Variants in SLC12A5 observed in about 807,000 individuals in gnomAD.
SLC12A5 encodes the protein K-Cl cotransporter 2.
In SLC12A5, 18 loss-of-function variants were observed where a neutral mutation model predicts 124.0. That is an observed-to-expected ratio of 0.15 (90% CI 0.10 to 0.22). The LOEUF (loss-of-function observed/expected upper bound fraction) is 0.22, where lower values mean the gene tolerates loss of function less well. SLC12A5 is among the 10% of genes least tolerant of loss of function. The pLI, the probability that SLC12A5 is intolerant of heterozygous loss-of-function variation, is 1.00. For missense variants in SLC12A5, 867 were observed against 1,478.7 expected, an observed-to-expected ratio of 0.59 and a Z score of 6.78; for synonymous variants, 589 against 568.0, an observed-to-expected ratio of 1.04 and a Z score of -0.53.
chr20:46,043,181 G>A lies in SLC12A5; in HGVS notation c.1095G>A (p.Lys365=). The change falls in exon 9 of 26, where the codon AAG becomes AAA. Residue 365 remains lysine, a synonymous_variant. Transcript: ENST00000243964. ...KENLWSSYLT[K]GVIVERSGMT... is the part of the protein sequence containing the mutation. ...ACCTCTGGAGCTCCTACCTGACCAA[G>A]GGCGTGATTGTGGAGAGGAGTGGGA... 6.2e-7 allele frequency: 1 copy of A among 1,613,898 alleles called. No homozygotes were observed. The highest frequency in any genetic ancestry group is 8.5e-7 in the Non-Finnish European group (1 of 1,179,934).
chr20:46,037,534 G>T, intron 6 of SLC12A5, 149 bp downstream of exon 6: 1 of 893,374 alleles, frequency 1.1e-6, no homozygotes, highest in Non-Finnish European at 1.6e-6. Context: ...TGTTTCTAAA[G>T]AGTTCACAGT....
At chr20:46,032,909 C>CTCCAAAGACT (rs2084466190) in intron 1 of SLC12A5, among the ~76,000 whole-genome samples, 1 of 152,226 alleles carries the variant, frequency 6.6e-6, no homozygotes. Flanking sequence ...GAGAACTTAG[C>CTCCAAAGACT]TCCAAAGACT....
At chr20:46,046,071 G>A (rs2084592624) in intron 13 of SLC12A5, 75 bp downstream of exon 13, 1 of 1,395,880 alleles carries the variant, frequency 7.2e-7, no homozygotes, top group Admixed American at 1.7e-5. Context: ...CGTTACCTGT[G>A]ACAACCCACC....
At chr20:46,051,335 T>C (rs1482359333) in intron 17 of SLC12A5, among the ~76,000 whole-genome samples, 1 of 152,074 alleles carries the variant, frequency 6.6e-6, no homozygotes, top group Non-Finnish European at 1.5e-5. Flanking sequence ...GACGGCGACA[T>C]TTGAGCTGGG....
rs576350876 is a variant in SLC12A5 at position 46,052,850 on chromosome 20, G to A, written c.2378-107G>A. ...CTCAGCCCATGGCCAAGGCCAGTTG[G>A]AGTGGGGTGGAGTGCTGGCTGCCAG... is the stretch of plus-strand genomic sequence containing the variant. On this transcript the variant is annotated intron_variant, in intron 18 of 25. Transcript: ENST00000243964. 10 of 1,257,394 alleles carry A rather than the reference G, an allele frequency of 8.0e-6. No homozygotes were observed. In the South Asian group the frequency reaches 1.4e-4, roughly 18 times the overall value. 77.9% of individuals were successfully genotyped at this position (1,257,394 alleles called of 1,614,324 possible). A position where few individuals can be genotyped will look rare whatever the true frequency, so the allele number is the denominator to read the frequency against.
chr20:46,043,146 C>T lies in SLC12A5; in HGVS notation c.1067-7C>T. On this transcript the variant is annotated splice_polypyrimidine_tract_variant and splice_region_variant and intron_variant, in intron 8 of 25. Transcript: ENST00000243964. ...GGCCTCCCCCTGAGCATTCTGTCTC[C>T]CCACAGAGAACCTCTGGAGCTCCTA... 3.1e-6 allele frequency: 5 copies of T among 1,613,102 alleles called. No homozygotes were observed. The highest frequency in any genetic ancestry group is 3.4e-6 in the Non-Finnish European group (4 of 1,179,346).
At chr20:46,029,207 G>A (rs2084423001), upstream of SLC12A5, 3 of 1,436,454 alleles carry the variant, frequency 2.1e-6, no homozygotes, top group East Asian at 2.7e-5. Context: ...TGCGCCGGGC[G>A]GGCGGGCACT....
chr20:46,054,833 G>C, intron 20 of SLC12A5, 83 bp from the exon 21 acceptor site: 2 of 932,088 alleles, frequency 2.1e-6, no homozygotes, highest in Non-Finnish European at 3.4e-6. Context: ...TCCTTCCCTT[G>C]GCCTTTCACC....
At chr20:46,043,980 GA>G (rs2084571851) in intron 11 of SLC12A5, 47 bp downstream of exon 11, 1 of 1,542,640 alleles carries the variant, frequency 6.5e-7, no homozygotes, top group African/African-American at 1.4e-5. Context: ...GGTGGGTATA[GA>G]AGGCTGAGTT....
chr20:46,039,092 G>A (rs569370914), intron 6 of SLC12A5, among the ~76,000 whole-genome samples: 33 of 152,160 alleles, frequency 2.2e-4, no homozygotes, highest in Non-Finnish European at 3.8e-4. Context: ...TTGGTGTATT[G>A]CCTTCTAGTT....
upstream of SLC12A5, among the ~76,000 whole-genome samples, chr20:46,024,831 C>A (rs1186543582): frequency 6.6e-6 from 1 of 152,226 alleles, no homozygotes; most frequent in Non-Finnish European, 1.5e-5. Flanking sequence ...CAGAAGTAGA[C>A]CTGGTGACAG....
At chr20:46,022,385 T>C (rs2084363307) in intron 1 of SLC12A5, among the ~76,000 whole-genome samples, 1 of 89,976 alleles carries the variant, frequency 1.1e-5, no homozygotes, top group South Asian at 3.9e-4. Flanking sequence ...GGGAATGAGT[T>C]GGGCCAGGAG....
chr20:46,037,707 G>A (rs1182116597), intron 6 of SLC12A5, among the ~76,000 whole-genome samples: 1 of 152,238 alleles, frequency 6.6e-6, no homozygotes, highest in Non-Finnish European at 1.5e-5. Context: ...GAGAAGCTCA[G>A]AGAGGTGAGA....
In SLC12A5 at chr20:46,044,055, C is replaced by T. The variant is rs1039051229; in HGVS notation, c.1394+122C>T. On this transcript the variant is annotated intron_variant, in intron 11 of 25. Transcript: ENST00000243964. ...TGAGGGGCCTGTGGGAGGGAGGCCA[C>T]GGGGATTGCTTGCAAAGTCATCTTC... The T allele has an allele frequency of 5.2e-5, 44 of 850,840 alleles. 1 individual carries two copies. Among genetic ancestry groups the T allele is most frequent in the South Asian group, 2.6e-4 (13 of 50,290 alleles). The allele number at this position is 850,840 out of a possible 1,614,324, so 52.7% of individuals were successfully genotyped here.
chr20:46,029,011 T>G, upstream of SLC12A5: 10 of 610,340 alleles, frequency 1.6e-5, no homozygotes, highest in Admixed American at 5.0e-5. Context: ...AATCCCCCAG[T>G]TTTTGTGCAA....
In SLC12A5 at chr20:46,057,889, G is replaced by T. The variant is rs1223901566; in HGVS notation, c.*284G>T. The T allele has an allele frequency of 1.1e-5, 4 of 370,438 alleles. No individual in the cohort carries two copies. Among genetic ancestry groups the T allele is most frequent in the Non-Finnish European group, 1.9e-5 (4 of 207,036 alleles). The allele number at this position is 370,438 out of a possible 1,614,324, so 22.9% of individuals were successfully genotyped here. ...TCGCCGGAGGAGACGCTGCAATAAA[G>T]GTTGGGAGAAGGCGCGGAAAGGAGA... On this transcript the variant is annotated 3_prime_UTR_variant, in exon 26 of 26. Transcript: ENST00000243964. This position sits in a 1 kb window ranked among gnomAD's most constrained non-coding sequence, Gnocchi z 7.1.
At position 46,041,522 on chromosome 20, in the gene SLC12A5, G is replaced by T. The variant is rs1189413482; in HGVS notation, c.1048G>T (p.Ala350Ser). The change falls in exon 8 of 26, where the codon GCC becomes TCC. Residue 350 changes from alanine to serine, a missense_variant. Transcript: ENST00000243964. ...AGAGATCCAGGGCATCCCTGGTGCT[G>T]CCAGTGGCCTCATCAAAGGTCTGCG... ...VTEIQGIPGA[A>S]SGLIKENLWS... 1.2e-6 allele frequency: 2 copies of T among 1,613,948 alleles called. No individual in the cohort carries two copies. The highest frequency in any genetic ancestry group is 2.2e-5 in the East Asian group (1 of 44,884).
rs1256718322 is a variant in SLC12A5, at chr20:46,043,667, G to A, written c.1272G>A (p.Leu424=). ...IMAGSNRSGD[L]RDAQKSIPTG... ...CTGGTTCTAACCGCTCTGGGGACCT[G>A]AGGGATGCCCAGAAGTCAATCCCCA... The change falls in exon 10 of 26, where the codon CTG becomes CTA. Residue 424 remains leucine (L), a synonymous_variant. Coordinates refer to ENST00000243964, the MANE Select transcript of SLC12A5 (RefSeq NM_020708.5). 5 of 1,614,038 alleles carry A rather than the reference G, an allele frequency of 3.1e-6. 1 individual carries two copies. In the East Asian group the frequency reaches 6.7e-5, roughly 22 times the overall value.
At chr20:46,043,364 G>A (rs1365597890) in intron 9 of SLC12A5, 41 bp downstream of exon 9, 1 of 1,597,324 alleles carries the variant, frequency 6.3e-7, no homozygotes, top group African/African-American at 1.3e-5. Flanking sequence ...GCCTGTGAGT[G>A]GATGGGGAAG....
Sources: allele counts gnomAD v4.1 joint callset (sites outside exome capture counted in the v4.1 genomes callset), GRCh38; gene constraint gnomAD v4.1.1; non-coding constraint Gnocchi (gnomAD v3.1); transcripts MANE v1.5; gene names NCBI Gene and HGNC (gene_info 2026-07-23, HGNC 2026-07-21).